IQCM: variants seen among roughly 807,000 people sequenced by gnomAD.
IQCM encodes IQ motif containing M.
IQCM carries 45 observed loss-of-function variants against 57.6 expected under a neutral mutation model. The ratio of observed to expected loss-of-function variants is 0.78; its 90% CI spans 0.62 to 1.00. The LOEUF (loss-of-function observed/expected upper bound fraction) is 1.00. IQCM is among the 50% of genes least tolerant of loss of function. IQCM has a pLI of 0.00. For missense variants in IQCM, 468 were observed against 511.6 expected (o/e 0.91, Z 0.82); for synonymous variants, 148 against 158.9 (o/e 0.93, Z 0.51).
intron 8 of IQCM, among the ~76,000 whole-genome samples, chr4:149,592,377 A>C (rs1448067795): frequency 6.6e-6 from 1 of 152,078 alleles, no homozygotes; most frequent in Non-Finnish European, 1.5e-5. Flanking sequence ...AGATGGGTAG[A>C]TTGCAAAACT....
At chr4:149,711,907 C>T (rs935688716) in intron 5 of IQCM, among the ~76,000 whole-genome samples, 6 of 152,202 alleles carry the variant, frequency 3.9e-5, no homozygotes, top group East Asian at 1.9e-4. Context: ...GCATATAAAA[C>T]GCTTTTTTGA....
chr4:149,754,458 A>G (rs1320022952), intron 2 of IQCM, among the ~76,000 whole-genome samples: 2 of 152,198 alleles, frequency 1.3e-5, no homozygotes, highest in Non-Finnish European at 2.9e-5. Flanking sequence ...TCCATGTCAG[A>G]GGGTCTTTCT....
At chr4:149,587,468 C>T (rs916009923) in intron 9 of IQCM, among the ~76,000 whole-genome samples, 1 of 151,724 alleles carries the variant, frequency 6.6e-6, no homozygotes, top group African/African-American at 2.4e-5. Flanking sequence ...GTTTTCAAAA[C>T]AGTTTATCAA....
At chr4:149,787,833 G>A (rs1772210166) in intron 2 of IQCM, among the ~76,000 whole-genome samples, 2 of 152,044 alleles carry the variant, frequency 1.3e-5, no homozygotes, top group Admixed American at 6.5e-5. Flanking sequence ...GTAGACAAAT[G>A]GGACTATATT....
At chr4:149,430,264 G>A (rs950276740) in intron 13 of IQCM, among the ~76,000 whole-genome samples, 1 of 151,884 alleles carries the variant, frequency 6.6e-6, no homozygotes, top group Non-Finnish European at 1.5e-5. Context: ...AAAGCTTCAA[G>A]AGGAAACATC....
chr4:149,804,518 GA>G (rs1010056746), intron 2 of IQCM, among the ~76,000 whole-genome samples: 2 of 152,034 alleles, frequency 1.3e-5, no homozygotes, highest in African/African-American at 4.8e-5. Context: ...AAGAATCTAA[GA>G]AGAGTTGTTG....
At chr4:149,801,080 A>G (rs1160800979) in intron 2 of IQCM, among the ~76,000 whole-genome samples, 1 of 151,854 alleles carries the variant, frequency 6.6e-6, no homozygotes, top group Non-Finnish European at 1.5e-5. Context: ...TTTGGGCAAA[A>G]TGAATAGACA....
At chr4:149,723,275 T>A (rs563640798) in intron 5 of IQCM, among the ~76,000 whole-genome samples, 1 of 152,192 alleles carries the variant, frequency 6.6e-6, no homozygotes, top group African/African-American at 2.4e-5. Flanking sequence ...GGATGCGTCT[T>A]ATTTCTTTCT....
chr4:149,368,599 G>T (rs1730006458), intron 13 of IQCM, among the ~76,000 whole-genome samples: 1 of 150,890 alleles, frequency 6.6e-6, no homozygotes, highest in Non-Finnish European at 1.5e-5. Context: ...AAGGACATGA[G>T]AGATGAAAAT....
At chr4:149,811,807 C>T (rs2150068931) in intron 2 of IQCM, among the ~76,000 whole-genome samples, 1 of 152,312 alleles carries the variant, frequency 6.6e-6, no homozygotes, top group East Asian at 1.9e-4. Flanking sequence ...TAAACTAAGC[C>T]ACACTGGACT....
intron 9 of IQCM, among the ~76,000 whole-genome samples, chr4:149,578,864 T>C (rs748241777): frequency 2.0e-5 from 3 of 151,866 alleles, no homozygotes; most frequent in African/African-American, 7.2e-5. Context: ...CAAAGCCTGT[T>C]AGAGAAGTAG....
chr4:149,418,013 G>A (rs1047721078), intron 13 of IQCM, among the ~76,000 whole-genome samples: 9 of 151,356 alleles, frequency 5.9e-5, no homozygotes, highest in African/African-American at 1.9e-4. Flanking sequence ...CAAAAAGCTA[G>A]GAAGATCTCA....
At chr4:149,650,496 G>C (rs1362720704) in intron 7 of IQCM, among the ~76,000 whole-genome samples, 1 of 150,390 alleles carries the variant, frequency 6.6e-6, no homozygotes, top group Admixed American at 6.7e-5. Flanking sequence ...GGAATCAAGC[G>C]ATTCTCCTGC....
At chr4:149,507,582 T>A (rs1743958016) in intron 12 of IQCM, among the ~76,000 whole-genome samples, 1 of 152,164 alleles carries the variant, frequency 6.6e-6, no homozygotes, top group African/African-American at 2.4e-5. Flanking sequence ...TTGAGAGAGA[T>A]GATTTAGGAT....
chr4:149,387,764 T>C (rs1367200674), intron 13 of IQCM, among the ~76,000 whole-genome samples: 1 of 151,994 alleles, frequency 6.6e-6, no homozygotes, highest in South Asian at 2.1e-4. Context: ...AATTGTGCAA[T>C]CTATCATCAT....
intron 12 of IQCM, among the ~76,000 whole-genome samples, chr4:149,542,119 T>C (rs1438992983): frequency 6.6e-6 from 1 of 152,096 alleles, no homozygotes; most frequent in Admixed American, 6.6e-5. Context: ...TTAAATCTTC[T>C]TATGCATCAA....
chr4:149,436,220 A>G (rs2111295816), intron 12 of IQCM, among the ~76,000 whole-genome samples: 1 of 152,230 alleles, frequency 6.6e-6, no homozygotes, highest in East Asian at 1.9e-4. Context: ...ATGTGTTTAG[A>G]TACACAAATC....
chr4:149,779,718 G>A (rs1259352968), intron 2 of IQCM, among the ~76,000 whole-genome samples: 1 of 152,096 alleles, frequency 6.6e-6, no homozygotes, highest in Non-Finnish European at 1.5e-5. Context: ...AAGGCAATTG[G>A]TAAAAGGTTC....
intron 13 of IQCM, among the ~76,000 whole-genome samples, chr4:149,385,489 C>T (rs890228869): frequency 6.6e-6 from 1 of 152,006 alleles, no homozygotes; most frequent in African/African-American, 2.4e-5. Flanking sequence ...TAAGTTATGC[C>T]ACTTTTGTAT....
Sources: gnomAD v4.1 joint callset for allele counts (sites outside exome capture counted in the v4.1 genomes callset) on GRCh38, gnomAD v4.1.1 for gene constraint, MANE v1.5 for transcripts, NCBI Gene and HGNC (gene_info 2026-07-23, HGNC 2026-07-21) for gene names.